RANBP10: variants seen among roughly 807,000 people sequenced by gnomAD.
The protein encoded by RANBP10 is RAN binding protein 10.
In RANBP10, 24 loss-of-function variants were observed where a neutral mutation model predicts 72.8. The observed-to-expected ratio is 0.33, with a 90% CI of 0.24 to 0.46. RANBP10 has a LOEUF of 0.46. Among genes scored for constraint, RANBP10 ranks in the 20% least tolerant of loss-of-function variants. The pLI, the probability that RANBP10 is intolerant of heterozygous loss-of-function variation, is 1.00. For synonymous variants in RANBP10, 310 were observed against 322.3 expected, an observed-to-expected ratio of 0.96 and a Z score of 0.41; for missense variants, 679 against 817.5, an observed-to-expected ratio of 0.83 and a Z score of 2.07.
rs1333742151 is a variant in RANBP10, at chr16:67,744,408, A to G, written c.448T>C (p.Phe150Leu). Reference sequence around the variant, plus strand: ...GGCTGGCCAGTCCCCGAGGAGCAGAACGAATGCCCATCATCACCATGGTAA... The same window carrying G: ...GGCTGGCCAGTCCCCGAGGAGCAGAGCGAATGCCCATCATCACCATGGTAA... Reference protein sequence around the residue: ...YGYHGDDGHSFCSSGTGQPYG... With the variant: ...YGYHGDDGHSLCSSGTGQPYG... The change falls in exon 4 of 14, where the codon TTC becomes CTC. Residue 150 changes from phenylalanine to leucine, a missense_variant. Physicochemically the swap from Phe to Leu is conservative, Grantham distance 22. Coordinates refer to ENST00000317506, the MANE Select transcript of RANBP10 (RefSeq NM_020850.3). 1 of 1,614,222 alleles carries G rather than the reference A, an allele frequency of 6.2e-7. No homozygotes were observed. The highest frequency in any genetic ancestry group is 1.1e-5 in the South Asian group (1 of 91,082).
intron 5 of RANBP10, among the ~76,000 whole-genome samples, chr16:67,737,562 G>C (rs1159858218): frequency 6.6e-6 from 1 of 151,972 alleles, no homozygotes; most frequent in Non-Finnish European, 1.5e-5. Context: ...TCTGGCTTGG[G>C]GGTGCCCTAG....
chr16:67,754,550 C>T (rs1320042572), intron 3 of RANBP10, among the ~76,000 whole-genome samples: 1 of 152,178 alleles, frequency 6.6e-6, no homozygotes, highest in East Asian at 1.9e-4. Flanking sequence ...GCTCCCCAGG[C>T]CTTGAGAAGT....
At chr16:67,802,094 C>CAAA (rs11349499) in intron 2 of RANBP10, among the ~76,000 whole-genome samples, 2 of 121,462 alleles carry the variant, frequency 1.6e-5, no homozygotes, top group Admixed American at 8.7e-5. Flanking sequence ...GACCCTGCCT[C>CAAA]AAAAAAAAAA....
intron 6 of RANBP10, among the ~76,000 whole-genome samples, chr16:67,732,019 G>T (rs1489561158): frequency 6.6e-6 from 1 of 152,210 alleles, no homozygotes; most frequent in African/African-American, 2.4e-5. Flanking sequence ...CAGACAGGAT[G>T]CATGCCACAT....
At chr16:67,798,549 C>T (rs973194111) in intron 2 of RANBP10, among the ~76,000 whole-genome samples, 1 of 152,180 alleles carries the variant, frequency 6.6e-6, no homozygotes, top group Admixed American at 6.6e-5. Context: ...GGGTATAAAA[C>T]ATGGGGCATT....
At chr16:67,802,894 C>CT (rs1429271286) in intron 2 of RANBP10, among the ~76,000 whole-genome samples, 19 of 152,306 alleles carry the variant, frequency 1.2e-4, no homozygotes, top group African/African-American at 4.3e-4. Flanking sequence ...ATCCAGGTCT[C>CT]TAAGTGTAAA....
chr16:67,728,649 C>A, intron 10 of RANBP10, 138 bp from the exon 11 acceptor site: 1 of 1,480,490 alleles, frequency 6.8e-7, no homozygotes, highest in Non-Finnish European at 9.1e-7. Flanking sequence ...ACAGCTCAGG[C>A]TTCCAAGTCT....
chr16:67,786,491 C>T (rs2054919405), intron 2 of RANBP10, among the ~76,000 whole-genome samples: 1 of 152,158 alleles, frequency 6.6e-6, no homozygotes, highest in African/African-American at 2.4e-5. Flanking sequence ...AGGCAAAGGA[C>T]TTGAACAGAC....
chr16:67,728,782 C>A (rs1414394366), intron 10 of RANBP10, among the ~76,000 whole-genome samples: 1 of 152,242 alleles, frequency 6.6e-6, no homozygotes, highest in Non-Finnish European at 1.5e-5. Flanking sequence ...GTTCACACAC[C>A]TCTTCTACAT....
chr16:67,738,161 C>CTCTGTCTCAAA, intron 4 of RANBP10, 126 bp from the exon 5 acceptor site: 1 of 1,098,228 alleles, frequency 9.1e-7, no homozygotes, highest in Non-Finnish European at 1.3e-6. Context: ...TGTTTTGAGA[C>CTCTGTCTCAAA]AGAGTCTCCC....
chr16:67,770,213 G>T (rs1037410352), intron 3 of RANBP10, among the ~76,000 whole-genome samples: 1 of 152,044 alleles, frequency 6.6e-6, no homozygotes, highest in East Asian at 1.9e-4. Context: ...TACATTAAGA[G>T]GTAGAGCTAC....
At chr16:67,794,204 G>A (rs1243825653) in intron 2 of RANBP10, among the ~76,000 whole-genome samples, 1 of 152,072 alleles carries the variant, frequency 6.6e-6, no homozygotes, top group Non-Finnish European at 1.5e-5. Context: ...TTGAGGGGCC[G>A]AGGCGGGCAG....
intron 3 of RANBP10, among the ~76,000 whole-genome samples, chr16:67,754,723 C>A (rs182391260): frequency 1.2e-4 from 18 of 152,328 alleles, no homozygotes; most frequent in Admixed American, 1.2e-3. Flanking sequence ...GAGACTGTAG[C>A]CCTGGGTGCC....
intron 3 of RANBP10, among the ~76,000 whole-genome samples, chr16:67,761,911 C>T (rs1212905447): frequency 6.6e-6 from 1 of 151,938 alleles, no homozygotes; most frequent in African/African-American, 2.4e-5. Context: ...TATATAGGTA[C>T]TTCCTTCTTC....
At chr16:67,736,476 T>C (rs751103836) in intron 5 of RANBP10, among the ~76,000 whole-genome samples, 7 of 152,210 alleles carry the variant, frequency 4.6e-5, no homozygotes, top group Non-Finnish European at 1.0e-4. Context: ...TGCATTTTTG[T>C]ACCTGCACAA....
intron 3 of RANBP10, among the ~76,000 whole-genome samples, chr16:67,745,668 G>T (rs2054057697): frequency 6.6e-6 from 1 of 152,042 alleles, no homozygotes; most frequent in African/African-American, 2.4e-5. Flanking sequence ...CTTCAAATGA[G>T]TTTTAACAAA....
At chr16:67,770,339 G>C (rs2054585968) in intron 3 of RANBP10, among the ~76,000 whole-genome samples, 1 of 151,896 alleles carries the variant, frequency 6.6e-6, no homozygotes, top group African/African-American at 2.4e-5. Flanking sequence ...TGAAAAACCA[G>C]TTTTCACTCA....
chr16:67,751,299 C>T (rs1207987876), intron 3 of RANBP10, among the ~76,000 whole-genome samples: 1 of 152,182 alleles, frequency 6.6e-6, no homozygotes, highest in African/African-American at 2.4e-5. Flanking sequence ...ATTTTAAACA[C>T]TTTTCTTTAA....
At chr16:67,744,731 T>C (rs369351413) in intron 3 of RANBP10, among the ~76,000 whole-genome samples, 29 of 152,236 alleles carry the variant, frequency 1.9e-4, no homozygotes, top group African/African-American at 7.0e-4. Flanking sequence ...TACCAGAGGG[T>C]GGTACAACAA....
Sources: allele counts gnomAD v4.1 joint callset (sites outside exome capture counted in the v4.1 genomes callset), GRCh38; gene constraint gnomAD v4.1.1; transcripts MANE v1.5; gene names NCBI Gene and HGNC (gene_info 2026-07-23, HGNC 2026-07-21).